HOOK1: variants seen among roughly 807,000 people sequenced by gnomAD.
HOOK1 encodes hook microtubule tethering protein 1, also known as protein Hook homolog 1.
HOOK1 carries 60 observed loss-of-function variants against 112.8 expected under a neutral mutation model. That is an observed-to-expected ratio of 0.53 (90% CI 0.43 to 0.66). The LOEUF (loss-of-function observed/expected upper bound fraction) is 0.66, where lower values mean the gene tolerates loss of function less well. Among genes scored for constraint, HOOK1 ranks in the 30% least tolerant of loss-of-function variants. The probability of loss-of-function intolerance (pLI) is 0.00; values close to 1 mark genes in which losing one functional copy is unlikely to be tolerated. For missense variants in HOOK1, 770 were observed against 856.0 expected (o/e 0.90, Z 1.25); for synonymous variants, 294 against 283.8 (o/e 1.04, Z -0.36).
intron 17 of HOOK1, chr1:59,864,871 A>G: frequency 1.8e-6 from 1 of 547,892 alleles, no homozygotes. Flanking sequence ...CATTGTTAAT[A>G]TCATTTGAAA....
At chr1:59,824,948 G>A (rs61790292) in intron 2 of HOOK1, among the ~76,000 whole-genome samples, 1 of 152,166 alleles carries the variant, frequency 6.6e-6, no homozygotes, top group Non-Finnish European at 1.5e-5. Context: ...CACACTTTTG[G>A]AGGCTAGAAG....
At chr1:59,863,951 A>C (rs1449267147) in intron 16 of HOOK1, 1 of 330,464 alleles carries the variant, frequency 3.0e-6, no homozygotes, top group Admixed American at 6.5e-5. Context: ...CAGGGAGCAC[A>C]TTTTGGCTGG....
At chr1:59,816,339 A>G (rs747215185) in intron 1 of HOOK1, among the ~76,000 whole-genome samples, 2 of 152,178 alleles carry the variant, frequency 1.3e-5, no homozygotes, top group East Asian at 1.9e-4. Context: ...GTTAAAAGCA[A>G]TTAGCTAACT....
At chr1:59,860,399 A>C (rs2098412965) in intron 15 of HOOK1, 71 bp downstream of exon 15, 3 of 1,325,078 alleles carry the variant, frequency 2.3e-6, no homozygotes, top group Non-Finnish European at 2.1e-6. Flanking sequence ...GATTCACAGA[A>C]ATGGAAAATA....
chr1:59,854,229 T>G (rs1394610094), intron 12 of HOOK1, among the ~76,000 whole-genome samples: 1 of 150,678 alleles, frequency 6.6e-6, no homozygotes, highest in Non-Finnish European at 1.5e-5. Context: ...TTTTTGTACT[T>G]TTAATAGAGA....
chr1:59,869,697 A>G (rs758188460), intron 20 of HOOK1, among the ~76,000 whole-genome samples: 13 of 152,050 alleles, frequency 8.5e-5, no homozygotes, highest in Non-Finnish European at 1.5e-4. Flanking sequence ...TACGACACCA[A>G]CCCGATACGC....
intron 9 of HOOK1, among the ~76,000 whole-genome samples, chr1:59,846,284 AC>A (rs1390103560): frequency 6.6e-6 from 1 of 151,634 alleles, no homozygotes. Context: ...ATACCCTTTT[AC>A]ATTCCTGATA....
chr1:59,832,134 A>G (rs1165600449), intron 3 of HOOK1, 29 bp from the exon 4 acceptor site: 1 of 1,284,460 alleles, frequency 7.8e-7, no homozygotes, highest in Admixed American at 2.3e-5. Context: ...TTAATCTGAA[A>G]TAAGAATCTC....
intron 1 of HOOK1, among the ~76,000 whole-genome samples, chr1:59,820,315 T>G (rs1171171988): frequency 6.6e-6 from 1 of 152,198 alleles, no homozygotes; most frequent in African/African-American, 2.4e-5. Context: ...CCCAACCATC[T>G]TGTGAGGTAG....
chr1:59,849,546 A>G (rs975617969), intron 12 of HOOK1, among the ~76,000 whole-genome samples: 2 of 151,594 alleles, frequency 1.3e-5, no homozygotes, highest in African/African-American at 4.8e-5. Flanking sequence ...TTGGTTTTTA[A>G]TATATTCACA....
chr1:59,869,253 G>A (rs557751111), intron 20 of HOOK1, among the ~76,000 whole-genome samples: 15 of 151,428 alleles, frequency 9.9e-5, no homozygotes, highest in Admixed American at 3.3e-4. Flanking sequence ...TTGCAGTGGC[G>A]TAATCTCAGC....
In HOOK1 at chr1:59,845,912, T is replaced by C. The variant is rs74085820; in HGVS notation, c.789-1133T>C. On this transcript the variant is annotated intron_variant, in intron 9 of 21. Coordinates refer to ENST00000371208, the MANE Select transcript of HOOK1 (RefSeq NM_015888.6). ...GCATATTCTCTGTTCTTCTGTTTTC[T>C]GAAAGAGTTTATGTAAAAATGTTAT... Among the ~76,000 whole-genome samples the C allele has an allele frequency of 1.7e-3, 251 of 152,062 alleles. 1 individual carries two copies. The highest frequency in any genetic ancestry group is 5.9e-3 in the African/African-American group (244 of 41,564).
At chr1:59,863,868 G>A in intron 16 of HOOK1, 1 of 943,702 alleles carries the variant, frequency 1.1e-6, no homozygotes, top group Non-Finnish European at 1.3e-6. Context: ...GCATATATAC[G>A]GTATTGTAAC....
At chr1:59,869,916 C>A (rs1644028664) in intron 20 of HOOK1, among the ~76,000 whole-genome samples, 1 of 152,184 alleles carries the variant, frequency 6.6e-6, no homozygotes, top group Non-Finnish European at 1.5e-5. Context: ...TCCACAACAG[C>A]ATTGGTTTTC....
In HOOK1 at chr1:59,828,892, T is replaced by C. The variant is rs748015316; in HGVS notation, c.222+40T>C. 1.2e-5 allele frequency: 18 copies of C among 1,503,888 alleles called. No individual in the cohort carries two copies. The Admixed American group carries it at 3.0e-4, about 25-fold the overall frequency. The allele number at this position is 1,503,888 out of a possible 1,614,324, so 93.2% of individuals were successfully genotyped here. The stretch of plus-strand genomic sequence containing the variant: ...TGGGAGAAGCACTTGATCCAAACAG[T>C]GGTCCTAAAGTTAGCACTAAGTTAA... On this transcript the variant is annotated intron_variant, in intron 3 of 21. Transcript: ENST00000371208.
intron 12 of HOOK1, among the ~76,000 whole-genome samples, chr1:59,852,358 G>A (rs1181443067): frequency 6.6e-6 from 1 of 151,722 alleles, no homozygotes; most frequent in African/African-American, 2.4e-5. Flanking sequence ...ATGACTTCTT[G>A]AGCTAGTGTT....
chr1:59,822,648 C>T (rs954038776), intron 2 of HOOK1, among the ~76,000 whole-genome samples: 3 of 152,138 alleles, frequency 2.0e-5, no homozygotes, highest in Non-Finnish European at 2.9e-5. Context: ...GCCAATTCTG[C>T]ACTCACAATT....
Position 59,865,211 on chromosome 1 carries a change from C to G in HOOK1, c.1710C>G (p.Leu570=), listed in dbSNP as rs17119807. Residue 570 remains leucine, a synonymous_variant, in exon 18 of 22, where the codon CTC becomes CTG. Transcript: ENST00000371208. ...VHEELQKKQE[L]IEDLQPDINQ... is the part of the protein sequence containing the mutation. ...AAGAATTACAGAAGAAACAAGAACT[C>G]ATTGAAGATCTTCAGCCAGATATAA... 57,199 of 1,606,154 alleles carry G rather than the reference C, an allele frequency of 0.036. 1,312 individuals carry two copies. Among genetic ancestry groups the G allele is most frequent in the Admixed American group, 0.089 (5,314 of 59,822 alleles).
chr1:59,860,141 G>T, intron 14 of HOOK1, 47 bp from the exon 15 acceptor site: 1 of 1,429,256 alleles, frequency 7.0e-7, no homozygotes, highest in South Asian at 1.4e-5. Flanking sequence ...AGAATATAAT[G>T]ACTCATATTT....
Sources: gnomAD v4.1 joint callset for allele counts (sites outside exome capture counted in the v4.1 genomes callset) on GRCh38, gnomAD v4.1.1 for gene constraint, MANE v1.5 for transcripts, NCBI Gene and HGNC (gene_info 2026-07-23, HGNC 2026-07-21) for gene names.